The following GRID2 variants were observed in gnomAD, a reference collection of about 807,000 sequenced individuals.
GRID2 encodes glutamate ionotropic receptor delta type subunit 2, also known as glutamate receptor ionotropic, delta-2.
A neutral mutation model predicts 114.8 loss-of-function variants in GRID2; 33 were observed. That is an observed-to-expected ratio of 0.29 (90% CI 0.22 to 0.38). GRID2 has a LOEUF of 0.38. Ranked by LOEUF, GRID2 falls within the 10% of genes least tolerant of loss-of-function variation. The pLI is 1.00. For missense variants in GRID2, 1,184 were observed against 1,257.7 expected (o/e 0.94, Z 0.89); for synonymous variants, 505 against 449.9 (o/e 1.12, Z -1.55).
chr4:92,834,736 T>A lies in GRID2; in HGVS notation c.244+244450T>A, dbSNP rs534098897. On this transcript the variant is annotated intron_variant, in intron 2 of 15. Transcript: ENST00000282020. Reference sequence around the variant, plus strand: ...TAGGTAGGTTGGGAAGTACTAATATTTCTTTGTGTGATTTCTGGACACTGC... The same window carrying A: ...TAGGTAGGTTGGGAAGTACTAATATATCTTTGTGTGATTTCTGGACACTGC... Among the ~76,000 whole-genome samples the A allele has an allele frequency of 3.3e-5, 5 of 152,300 alleles. No homozygotes were observed. In the East Asian group the frequency reaches 9.6e-4, roughly 29 times the overall value.
chr4:93,252,030 G>A (rs1749000025), intron 8 of GRID2, among the ~76,000 whole-genome samples: 1 of 152,092 alleles, frequency 6.6e-6, no homozygotes, highest in Non-Finnish European at 1.5e-5. Context: ...TGGTATTTCA[G>A]TCTTTAGGAC....
chr4:92,322,606 G>C (rs1414162824), intron 1 of GRID2, among the ~76,000 whole-genome samples: 1 of 151,954 alleles, frequency 6.6e-6, no homozygotes, highest in African/African-American at 2.4e-5. Context: ...GACACATTTG[G>C]ACTGATTGGA....
intron 2 of GRID2, among the ~76,000 whole-genome samples, chr4:92,757,891 T>C (rs1737809735): frequency 6.6e-6 from 1 of 150,892 alleles, no homozygotes; most frequent in Admixed American, 6.6e-5. Flanking sequence ...AAGATACACG[T>C]CAGTAGTAAT....
intron 1 of GRID2, among the ~76,000 whole-genome samples, chr4:92,482,230 T>A (rs1413143296): frequency 6.6e-6 from 1 of 151,238 alleles, no homozygotes; most frequent in Non-Finnish European, 1.5e-5. Flanking sequence ...AAACCAAATA[T>A]TGCATGTCCT....
At chr4:93,098,989 C>CTCTGTGTGTGTGTG (rs1553986877) in intron 3 of GRID2, among the ~76,000 whole-genome samples, 1 of 138,908 alleles carries the variant, frequency 7.2e-6, no homozygotes, top group Admixed American at 7.4e-5. Context: ...AGATCATTTC[C>CTCTGTGTGTGTGTG]TGTGTGTGTG....
intron 14 of GRID2, 35 bp from the exon 15 acceptor site, chr4:93,769,171 ATGTC>A (rs758155767): frequency 1.9e-5 from 31 of 1,606,340 alleles, no homozygotes; most frequent in Non-Finnish European, 2.6e-5. Context: ...GGCGATAACT[ATGTC>A]TGTAATAACA....
chr4:92,588,678 CAAAAAA>C (rs1209254541), intron 1 of GRID2, among the ~76,000 whole-genome samples: 82 of 70,306 alleles, frequency 1.2e-3, no homozygotes, highest in African/African-American at 3.9e-3. Context: ...GACTCCGTCT[CAAAAAA>C]AAAAAAAAAA....
intron 14 of GRID2, among the ~76,000 whole-genome samples, chr4:93,732,263 G>A (rs191610946): frequency 4.5e-4 from 68 of 152,138 alleles, no homozygotes; most frequent in African/African-American, 1.4e-3. Context: ...GGGCTTTCAG[G>A]TACACCTAGT....
intron 8 of GRID2, among the ~76,000 whole-genome samples, chr4:93,250,574 C>CA (rs1308955316): frequency 6.7e-6 from 1 of 148,714 alleles, no homozygotes; most frequent in Non-Finnish European, 1.5e-5. Flanking sequence ...TGGTATATTA[C>CA]AAAAAAACAA....
At chr4:93,339,710 A>G (rs1759450019) in intron 8 of GRID2, among the ~76,000 whole-genome samples, 1 of 152,174 alleles carries the variant, frequency 6.6e-6, no homozygotes, top group Admixed American at 6.5e-5. Flanking sequence ...TCATACAGCT[A>G]TAAAGAACTG....
chr4:93,601,484 G>A (rs1225640677), intron 13 of GRID2, among the ~76,000 whole-genome samples: 1 of 152,072 alleles, frequency 6.6e-6, no homozygotes, highest in Non-Finnish European at 1.5e-5. Context: ...TCAATGAGGG[G>A]CATTTTAACT....
chr4:92,596,484 A>G (rs1373596127), intron 2 of GRID2, among the ~76,000 whole-genome samples: 10 of 152,172 alleles, frequency 6.6e-5, no homozygotes, highest in African/African-American at 1.7e-4. Flanking sequence ...GTTTTCCTCT[A>G]TGAGGGAAGA....
intron 2 of GRID2, among the ~76,000 whole-genome samples, chr4:92,955,523 G>A (rs949587079): frequency 6.6e-6 from 1 of 151,916 alleles, no homozygotes; most frequent in African/African-American, 2.4e-5. Flanking sequence ...TTAGCCCTTT[G>A]TCAGATGAGT....
chr4:93,354,027 A>G (rs373836114), intron 8 of GRID2, among the ~76,000 whole-genome samples: 12 of 140,662 alleles, frequency 8.5e-5, no homozygotes, highest in South Asian at 4.6e-4. Context: ...ACACATGCAC[A>G]CACACACACA....
At chr4:93,226,871 G>A (rs1745544559) in intron 7 of GRID2, among the ~76,000 whole-genome samples, 1 of 152,116 alleles carries the variant, frequency 6.6e-6, no homozygotes, top group African/African-American at 2.4e-5. Flanking sequence ...ATGCCTGAAG[G>A]TGTAACACCA....
At chr4:93,126,440 A>ATTTTTGTT (rs1734265641) in intron 4 of GRID2, among the ~76,000 whole-genome samples, 1 of 152,024 alleles carries the variant, frequency 6.6e-6, no homozygotes, top group South Asian at 2.1e-4. Context: ...GAACCAGATA[A>ATTTTTGTT]TTTTTGTTGT....
chr4:93,113,876 C>G (rs896232224), intron 4 of GRID2, among the ~76,000 whole-genome samples: 2 of 152,002 alleles, frequency 1.3e-5, no homozygotes, highest in Admixed American at 6.6e-5. Flanking sequence ...AGCAGGAAGA[C>G]CATAAATAAA....
chr4:93,191,525 A>C (rs1740978517), intron 4 of GRID2, among the ~76,000 whole-genome samples: 1 of 152,110 alleles, frequency 6.6e-6, no homozygotes, highest in Non-Finnish European at 1.5e-5. Flanking sequence ...TAACAAATTT[A>C]CTCTAAATAT....
chr4:93,366,843 G>A lies in GRID2; in HGVS notation c.1246-28764G>A, dbSNP rs552175812. On this transcript the variant is annotated intron_variant, in intron 8 of 15. Coordinates refer to ENST00000282020, the MANE Select transcript of GRID2 (RefSeq NM_001510.4). Reference sequence around the variant, plus strand: ...TACATGAATATCGGGGCAATTCCCCGATAAAATATATTATATAGGGAGACT... The same window carrying A: ...TACATGAATATCGGGGCAATTCCCCAATAAAATATATTATATAGGGAGACT... Among the ~76,000 whole-genome samples, 121 of 151,960 alleles carry A rather than the reference G, an allele frequency of 8.0e-4. 1 individual carries two copies. Among genetic ancestry groups the A allele is most frequent in the Admixed American group, 7.3e-3 (111 of 15,222 alleles).
Sources: gnomAD v4.1 joint callset for allele counts (sites outside exome capture counted in the v4.1 genomes callset) on GRCh38, gnomAD v4.1.1 for gene constraint, MANE v1.5 for transcripts, NCBI Gene and HGNC (gene_info 2026-07-23, HGNC 2026-07-21) for gene names.